SLC13A2: variants seen among roughly 807,000 people sequenced by gnomAD.
The protein encoded by SLC13A2 is Na(+)-coupled citrate transporter.
Under a neutral mutation model 58.5 loss-of-function variants are expected in SLC13A2, and 40 were observed. The ratio of observed to expected loss-of-function variants is 0.68; its 90% CI spans 0.53 to 0.89. SLC13A2 has a LOEUF of 0.89. Ranked by LOEUF, SLC13A2 falls within the 40% of genes least tolerant of loss-of-function variation. The probability of loss-of-function intolerance (pLI) is 0.00; values close to 1 mark genes in which losing one functional copy is unlikely to be tolerated. For synonymous variants in SLC13A2, 341 were observed against 331.6 expected, an observed-to-expected ratio of 1.03 and a Z score of -0.31; for missense variants, 694 against 772.6, an observed-to-expected ratio of 0.90 and a Z score of 1.21.
At chr17:28,477,408 A>C (rs371638528) in intron 1 of SLC13A2, among the ~76,000 whole-genome samples, 168 of 151,670 alleles carry the variant, frequency 1.1e-3, no homozygotes, top group East Asian at 5.9e-3. Context: ...GTTAGCCAGG[A>C]TGGTCTTGAT....
intron 1 of SLC13A2, among the ~76,000 whole-genome samples, chr17:28,476,298 G>A (rs184350602): frequency 6.6e-6 from 1 of 152,322 alleles, no homozygotes; most frequent in Admixed American, 6.5e-5. Context: ...GCCAGGCGCA[G>A]TGGCTCACAC....
At position 28,494,168 on chromosome 17, in the gene SLC13A2, GTA is replaced by G. The variant is rs1443163233; in HGVS notation, c.1186+64_1186+65del. The G allele has an allele frequency of 4.8e-5, 74 of 1,529,948 alleles. 1 individual carries two copies. In the East Asian group the frequency reaches 1.6e-3, roughly 33 times the overall value. 94.8% of individuals were successfully genotyped at this position (1,529,948 alleles called of 1,614,324 possible). ...CAGCCCCTGCCTTCAAGTATGTAAT[GTA>G]CCTTCCACCACACTTGGCAGGAGTA... On this transcript the variant is annotated intron_variant, in intron 8 of 11. Transcript: ENST00000314669. This position sits in a 1 kb window ranked among gnomAD's most constrained non-coding sequence, Gnocchi z 4.0.
chr17:28,476,623 T>C (rs979120773), intron 1 of SLC13A2, among the ~76,000 whole-genome samples: 4 of 152,100 alleles, frequency 2.6e-5, no homozygotes, highest in Non-Finnish European at 5.9e-5. Flanking sequence ...CTCCTTCCTG[T>C]TTTTAGGTTT....
In SLC13A2 at chr17:28,494,294, T is replaced by C; in HGVS notation, c.1187-97T>C. 1 of 1,606,292 alleles carries C rather than the reference T, an allele frequency of 6.2e-7. No homozygotes were observed. The highest frequency in any genetic ancestry group is 1.1e-5 in the South Asian group (1 of 90,428). ...ACTGAGGGTCCCCTCCTGCACGCGT[T>C]AAGCTCCAAAAGGGACCCACACAGG... is the stretch of plus-strand genomic sequence containing the variant. On this transcript the variant is annotated intron_variant, in intron 8 of 11. Transcript: ENST00000314669. This position sits in a 1 kb window ranked among gnomAD's most constrained non-coding sequence, Gnocchi z 4.0.
At chr17:28,478,502 A>C (rs1157344977) in intron 1 of SLC13A2, among the ~76,000 whole-genome samples, 1 of 152,212 alleles carries the variant, frequency 6.6e-6, no homozygotes, top group African/African-American at 2.4e-5. Flanking sequence ...GTCAAGGGAG[A>C]ATCTGAAGGA....
chr17:28,476,911 C>T (rs1311788785), intron 1 of SLC13A2, among the ~76,000 whole-genome samples: 1 of 152,010 alleles, frequency 6.6e-6, no homozygotes, highest in East Asian at 1.9e-4. Context: ...AATTCTAGCA[C>T]TTTGGGAGGC....
intron 5 of SLC13A2, 38 bp downstream of exon 5, chr17:28,491,655 A>T (rs782272869): frequency 5.0e-6 from 8 of 1,609,278 alleles, no homozygotes; most frequent in Non-Finnish European, 6.0e-6. Context: ...GGGGATCTGC[A>T]CATTCACTGG....
chr17:28,491,610 A>T lies in SLC13A2; in HGVS notation c.748A>T (p.Ile250Phe), dbSNP rs978266284. Residue 250 changes from isoleucine (I) to phenylalanine (F), a missense_variant, in exon 5 of 12, where the codon ATC becomes TTC. Transcript: ENST00000314669. ...ACCCAACCTGGTGCTGCAAGGCCAG[A>T]TCAACTCGTGAGTGACAAGGGGTGG... ...TAPNLVLQGQ[I>F]NSLFPQNGNV... 73 of 1,612,730 alleles carry T rather than the reference A, an allele frequency of 4.5e-5. 1 individual carries two copies. In the Admixed American group the frequency reaches 1.1e-3, roughly 24 times the overall value.
chr17:28,474,289 G>T (rs918251015), intron 1 of SLC13A2, among the ~76,000 whole-genome samples: 45 of 152,160 alleles, frequency 3.0e-4, no homozygotes, highest in African/African-American at 1.0e-3. Flanking sequence ...GGAAGAGAAA[G>T]AGTTCACCTG....
chr17:28,490,667 TG>T, intron 3 of SLC13A2, 33 bp from the exon 4 acceptor site: 1 of 1,596,592 alleles, frequency 6.3e-7, no homozygotes, highest in Non-Finnish European at 8.6e-7. Flanking sequence ...GAAGGGAAGC[TG>T]GAACAGCAGT....
rs1290848756 is a variant in SLC13A2 at position 28,497,425 on chromosome 17, G to A, written c.*156G>A. The stretch of plus-strand genomic sequence containing the variant: ...TCTTGCGTGTCTGTAAGGAAGGGGT[G>A]TATGCTCAGTTTCCTATGTGCTGGA... On this transcript the variant is annotated 3_prime_UTR_variant, in exon 12 of 12. Transcript: ENST00000314669. 5.3e-6 allele frequency: 4 copies of A among 759,698 alleles called. No individual in the cohort carries two copies. Among genetic ancestry groups the A allele is most frequent in the Non-Finnish European group, 8.3e-6 (4 of 481,130 alleles). 47.1% of individuals were successfully genotyped at this position (759,698 alleles called of 1,614,324 possible).
At chr17:28,489,039 T>C (rs1445732410) in intron 1 of SLC13A2, among the ~76,000 whole-genome samples, 175 bp from the exon 2 acceptor site, 2 of 152,208 alleles carry the variant, frequency 1.3e-5, no homozygotes, top group Admixed American at 1.3e-4. Context: ...GTGCCTTGCT[T>C]TGCTTTTTAT....
At chr17:28,483,317 C>T (rs578114256) in intron 1 of SLC13A2, among the ~76,000 whole-genome samples, 2 of 152,316 alleles carry the variant, frequency 1.3e-5, no homozygotes, top group East Asian at 3.9e-4. Flanking sequence ...TATGGGCTCA[C>T]AGGCTACAAT....
intron 1 of SLC13A2, among the ~76,000 whole-genome samples, chr17:28,477,074 C>T (rs1001243384): frequency 3.3e-5 from 5 of 151,618 alleles, no homozygotes; most frequent in Admixed American, 6.6e-5. Flanking sequence ...GCAGGAGAAA[C>T]GCTTGAACCC....
Position 28,495,815 on chromosome 17 carries a change from T to C in SLC13A2, c.1469T>C (p.Met490Thr), listed in dbSNP as rs199938905. 40 of 1,611,898 alleles carry C rather than the reference T, an allele frequency of 2.5e-5. No homozygotes were observed. In the Admixed American group the frequency reaches 3.0e-4, roughly 12 times the overall value. ...TTIFLPILASMAQAICLHPLY... is the reference protein window; with the variant it reads ...TTIFLPILASTAQAICLHPLY... The stretch of plus-strand genomic sequence containing the variant: ...ATCTTCCTGCCCATCCTAGCCTCCA[T>C]GGTGAGCTGGCCCTCAGAAACACCT... The change falls in exon 10 of 12, where the codon ATG (methionine) becomes ACG (threonine). Residue 490 changes from methionine (M) to threonine (T), a missense_variant and splice_region_variant. Coordinates refer to ENST00000314669, the MANE Select transcript of SLC13A2 (RefSeq NM_003984.4).
intron 1 of SLC13A2, among the ~76,000 whole-genome samples, chr17:28,477,876 G>T (rs1398592455): frequency 6.6e-6 from 1 of 151,964 alleles, no homozygotes; most frequent in Non-Finnish European, 1.5e-5. Flanking sequence ...TGGCCAACAT[G>T]GTGAAACTCC....
Position 28,490,449 on chromosome 17 carries a change from G to A in SLC13A2, c.232-5G>A. On this transcript the variant is annotated splice_region_variant and splice_polypyrimidine_tract_variant and intron_variant, in intron 2 of 11. Coordinates refer to ENST00000314669, the MANE Select transcript of SLC13A2 (RefSeq NM_003984.4). ...CCGCCGCTCAGCCATGTCTCCACCTGCCAGGTTGCCGTCGAGTATCTTAAG... is the reference window on the plus strand; with the variant it reads ...CCGCCGCTCAGCCATGTCTCCACCTACCAGGTTGCCGTCGAGTATCTTAAG... The A allele has an allele frequency of 1.2e-6, 2 of 1,614,086 alleles. No individual in the cohort carries two copies. Among genetic ancestry groups the A allele is most frequent in the East Asian group, 4.5e-5 (2 of 44,872 alleles).
intron 2 of SLC13A2, 194 bp from the exon 3 acceptor site, chr17:28,490,260 C>G: frequency 6.6e-7 from 1 of 1,506,004 alleles, no homozygotes; most frequent in South Asian, 1.3e-5. Flanking sequence ...GGCAACAGAG[C>G]CAGACCCTGT....
chr17:28,496,487 T>TC lies in SLC13A2; in HGVS notation c.1512dup (p.Cys505LeufsTer108). 1 of 1,611,040 alleles carries TC rather than the reference T, an allele frequency of 6.2e-7. No homozygotes were observed. Among genetic ancestry groups the TC allele is most frequent in the Non-Finnish European group, 8.5e-7 (1 of 1,178,124 alleles). On this transcript the variant is annotated frameshift_variant, in exon 11 of 12. Coordinates refer to ENST00000314669, the MANE Select transcript of SLC13A2 (RefSeq NM_003984.4). LOFTEE classifies it high-confidence loss of function. This position sits in a 1 kb window ranked among gnomAD's most constrained non-coding sequence, Gnocchi z 4.2. ...TGCCTCCACCCTCTCTACGTCATGCTCCCCTGCACTCTGGCCACCTCCCTG... is the reference window on the plus strand; with the variant it reads ...TGCCTCCACCCTCTCTACGTCATGCTCCCCCTGCACTCTGGCCACCTCCCTG...
Sources: gnomAD v4.1 joint callset for allele counts (sites outside exome capture counted in the v4.1 genomes callset) on GRCh38, gnomAD v4.1.1 for gene constraint, Gnocchi (gnomAD v3.1) non-coding constraint, MANE v1.5 for transcripts, NCBI Gene and HGNC (gene_info 2026-07-23, HGNC 2026-07-21) for gene names.